The following SMYD4 variants were observed in gnomAD, a reference collection of about 807,000 sequenced individuals.
SMYD4 encodes the protein SET and MYND domain containing 4.
A neutral mutation model predicts 72.8 loss-of-function variants in SMYD4; 68 were observed. That is an observed-to-expected ratio of 0.93 (90% CI 0.77 to 1.14). The LOEUF is 1.14. SMYD4 is among the 50% of genes most tolerant of loss of function. The pLI, the probability that SMYD4 is intolerant of heterozygous loss-of-function variation, is 0.00. For synonymous variants in SMYD4, 407 were observed against 388.6 expected (o/e 1.05, Z -0.56); for missense variants, 984 against 1,003.7 (o/e 0.98, Z 0.27).
chr17:1,789,346 T>C (rs1391546758), intron 5 of SMYD4, among the ~76,000 whole-genome samples: 1 of 151,926 alleles, frequency 6.6e-6, no homozygotes, highest in Non-Finnish European at 1.5e-5. Context: ...CAGATCACAC[T>C]GCTGCACTCC....
rs533379618 is a variant in SMYD4 at position 1,827,267 on chromosome 17, G to A, written c.134+594C>T. Reference sequence around the variant, plus strand: ...TGAGATACGAGAATTGCCTGAACCCGGGAGGCGGAGGCAGTGGGCTGAGAT... The same window carrying A: ...TGAGATACGAGAATTGCCTGAACCCAGGAGGCGGAGGCAGTGGGCTGAGAT... On this transcript the variant is annotated intron_variant, in intron 2 of 10. Transcript: ENST00000305513. 8.6e-5 allele frequency among the ~76,000 whole-genome samples: 13 copies of A among 151,548 alleles called. No homozygotes were observed. In the East Asian group the frequency reaches 1.5e-3, roughly 18 times the overall value.
chr17:1,821,478 C>T (rs1048297834), intron 2 of SMYD4, among the ~76,000 whole-genome samples: 5 of 152,080 alleles, frequency 3.3e-5, no homozygotes, highest in African/African-American at 1.2e-4. Flanking sequence ...GGCACTATTG[C>T]ACTCCAGGCT....
At chr17:1,808,986 T>C (rs1435273547) in intron 3 of SMYD4, among the ~76,000 whole-genome samples, 1 of 152,176 alleles carries the variant, frequency 6.6e-6, no homozygotes, top group Non-Finnish European at 1.5e-5. Context: ...TTCAAGCACG[T>C]TCAAGCATAA....
At chr17:1,785,370 G>A (rs1306999164) in intron 7 of SMYD4, among the ~76,000 whole-genome samples, 1 of 145,698 alleles carries the variant, frequency 6.9e-6, no homozygotes, top group African/African-American at 2.5e-5. Flanking sequence ...AGCTTGCAGT[G>A]AGCCGAGATT....
chr17:1,819,352 G>A (rs562916045), intron 2 of SMYD4, among the ~76,000 whole-genome samples: 8 of 152,212 alleles, frequency 5.3e-5, no homozygotes, highest in South Asian at 2.1e-4. Context: ...GAGAGACTAC[G>A]TCTCAGAACA....
chr17:1,808,495 T>TA (rs1567781093), intron 3 of SMYD4, among the ~76,000 whole-genome samples: 2 of 152,244 alleles, frequency 1.3e-5, no homozygotes, highest in Admixed American at 1.3e-4. Flanking sequence ...GGTTTTTTTT[T>TA]ACTCTTTATG....
At chr17:1,805,378 G>A (rs1458203735) in intron 3 of SMYD4, among the ~76,000 whole-genome samples, 1 of 152,132 alleles carries the variant, frequency 6.6e-6, no homozygotes, top group Non-Finnish European at 1.5e-5. Context: ...AGCTGAGATA[G>A]TGCCTGAGTG....
intron 2 of SMYD4, among the ~76,000 whole-genome samples, chr17:1,821,403 A>G (rs543881109): frequency 6.6e-6 from 1 of 151,990 alleles, no homozygotes; most frequent in African/African-American, 2.4e-5. Context: ...AATCCCAGCT[A>G]CTCGGGAGGT....
intron 3 of SMYD4, among the ~76,000 whole-genome samples, chr17:1,808,926 T>G (rs1236731917): frequency 6.6e-6 from 1 of 152,232 alleles, no homozygotes; most frequent in African/African-American, 2.4e-5. Context: ...TTATCAGCTG[T>G]AGAAGCTGCT....
chr17:1,824,071 G>A (rs1394824027), intron 2 of SMYD4, among the ~76,000 whole-genome samples: 1 of 152,152 alleles, frequency 6.6e-6, no homozygotes, highest in Non-Finnish European at 1.5e-5. Flanking sequence ...GGCCAGGTGG[G>A]GTGGCTCACG....
chr17:1,810,155 T>C (rs1910254094), intron 3 of SMYD4, among the ~76,000 whole-genome samples: 1 of 151,964 alleles, frequency 6.6e-6, no homozygotes, highest in African/African-American at 2.4e-5. Context: ...CAGACAAAAA[T>C]GGCATGTAGT....
intron 5 of SMYD4, among the ~76,000 whole-genome samples, chr17:1,798,915 TAAAGTAAAATAAAA>T (rs1909550140): frequency 6.7e-6 from 1 of 148,430 alleles, no homozygotes. Flanking sequence ...AATAAATAAA[TAAAGTAAAATAAAA>T]AATAAATTTT....
At chr17:1,787,341 A>G in intron 6 of SMYD4, 81 bp downstream of exon 6, 1 of 1,512,032 alleles carries the variant, frequency 6.6e-7, no homozygotes, top group East Asian at 2.5e-5. Context: ...GTGAAGTCAC[A>G]TGCCTGGTGG....
Position 1,783,420 on chromosome 17 carries a change from C to G in SMYD4, c.2077G>C (p.Ala693Pro), listed in dbSNP as rs752846964. 6.2e-7 allele frequency: 1 copy of G among 1,612,816 alleles called. No homozygotes were observed. Among genetic ancestry groups the G allele is most frequent in the African/African-American group, 1.3e-5 (1 of 74,918 alleles). ...CQRDAESFLWAEHAVVGEIAD... is the reference protein window; with the variant it reads ...CQRDAESFLWPEHAVVGEIAD... ...ATCTCTCCCACCACGGCGTGCTCTG[C>G]CCACAGGAAGCTCTCGGCGTCACGC... Residue 693 changes from alanine (A) to proline (P), a missense_variant, in exon 9 of 11, where the codon GCA (alanine) becomes CCA (proline). Physicochemically the swap from Ala to Pro is conservative, Grantham distance 27. Transcript: ENST00000305513.
intron 5 of SMYD4, among the ~76,000 whole-genome samples, chr17:1,799,440 C>G (rs557609301): frequency 1.2e-3 from 175 of 151,082 alleles, no homozygotes; most frequent in African/African-American, 4.0e-3. Flanking sequence ...ACGATCTCGG[C>G]TCATTTGCAA....
intron 4 of SMYD4, among the ~76,000 whole-genome samples, chr17:1,803,037 A>G (rs1555577558): frequency 6.6e-6 from 1 of 152,170 alleles, no homozygotes; most frequent in Non-Finnish European, 1.5e-5. Flanking sequence ...CCAGCTACTC[A>G]GAGGCTGAGG....
At position 1,783,684 on chromosome 17, in the gene SMYD4, G is replaced by A. The variant is rs1395116579; in HGVS notation, c.2021-208C>T. 7 of 791,850 alleles carry A rather than the reference G, an allele frequency of 8.8e-6. No homozygotes were observed. In the East Asian group the frequency reaches 1.6e-4, roughly 19 times the overall value. The allele number at this position is 791,850 out of a possible 1,614,324, so 49.1% of individuals were successfully genotyped here. On this transcript the variant is annotated intron_variant, in intron 8 of 10. Coordinates refer to ENST00000305513, the MANE Select transcript of SMYD4 (RefSeq NM_052928.3). ...GTCAGTGGAGAAAGGCGCTAGGGGA[G>A]GCCTCCCCACATTTACACTGTATTT...
Position 1,786,924 on chromosome 17 carries a change from C to T in SMYD4, c.1770G>A (p.Arg590=). 1 of 1,614,182 alleles carries T rather than the reference C, an allele frequency of 6.2e-7. No individual in the cohort carries two copies. Among genetic ancestry groups the T allele is most frequent in the Non-Finnish European group, 8.5e-7 (1 of 1,180,040 alleles). ...AGGCGCAGTCAAAGAAATACTGAGA[C>T]CTCAGCTTCTGCTGCCTTTCGGCAA... ...MGVAERQQKL[R]SQYFFDCACP... is the part of the protein sequence containing the mutation. The change falls in exon 7 of 11, where the codon AGG becomes AGA. Residue 590 remains arginine (R), a synonymous_variant. Coordinates refer to ENST00000305513, the MANE Select transcript of SMYD4 (RefSeq NM_052928.3).
Position 1,794,105 on chromosome 17 carries a change from A to ATATT in SMYD4, c.1537+5751_1537+5752insAATA, listed in dbSNP as rs1291818005. On this transcript the variant is annotated intron_variant, in intron 5 of 10. Coordinates refer to ENST00000305513, the MANE Select transcript of SMYD4 (RefSeq NM_052928.3). Reference sequence around the variant, plus strand: ...TGTATATATATATATATATATATATATTTTTTTTTTTTTTTTTTTTTTGAG... The same window carrying ATATT: ...TGTATATATATATATATATATATATATATTTTTTTTTTTTTTTTTTTTTTTTGAG... Among the ~76,000 whole-genome samples the ATATT allele has an allele frequency of 3.8e-3, 50 of 12,996 alleles. 3 individuals carry two copies. Among genetic ancestry groups the ATATT allele is most frequent in the Non-Finnish European group, 6.1e-3 (44 of 7,268 alleles). 8.5% of individuals were successfully genotyped at this position (12,996 alleles called of 152,430 possible).
Sources: gnomAD v4.1 joint callset for allele counts (sites outside exome capture counted in the v4.1 genomes callset) on GRCh38, gnomAD v4.1.1 for gene constraint, MANE v1.5 for transcripts, NCBI Gene and HGNC (gene_info 2026-07-23, HGNC 2026-07-21) for gene names.